The following SCN7A variants were observed in gnomAD, a reference collection of about 807,000 sequenced individuals.
SCN7A encodes sodium voltage-gated channel alpha subunit 7.
In SCN7A, 138 loss-of-function variants were observed where a neutral mutation model predicts 155.2. The ratio of observed to expected loss-of-function variants is 0.89; its 90% CI spans 0.77 to 1.02. SCN7A has a LOEUF of 1.02. Ranked by LOEUF, SCN7A falls within the 50% of genes least tolerant of loss-of-function variation. The probability of loss-of-function intolerance (pLI) is 0.00; values close to 1 mark genes in which losing one functional copy is unlikely to be tolerated. For synonymous variants in SCN7A, 693 were observed against 649.0 expected, an observed-to-expected ratio of 1.07 and a Z score of -1.03; for missense variants, 2,058 against 1,986.6, an observed-to-expected ratio of 1.04 and a Z score of -0.68.
rs1559100275 is a variant in SCN7A at position 166,432,638 on chromosome 2, C to A, written c.2272G>T (p.Gly758Ter). ...ATTTTAAGAAGCACATAGTTTATTC[C>A]TTTTTTAATTCTTGCCACTGCAAGC... ...LQLAVARIKK[G>*]INYVLLKILC... The change falls in exon 16 of 26, where the codon GGA (glycine) becomes TGA (stop). Residue 758 changes from glycine (G) to a stop codon, truncating the protein, a stop_gained. Coordinates refer to ENST00000643258, the MANE Select transcript of SCN7A (RefSeq NM_002976.4). LOFTEE classifies it high-confidence loss of function. 1.2e-6 allele frequency: 2 copies of A among 1,610,994 alleles called. No homozygotes were observed. Among genetic ancestry groups the A allele is most frequent in the Non-Finnish European group, 8.5e-7 (1 of 1,179,070 alleles).
chr2:166,457,154 G>A (rs1196709581), intron 10 of SCN7A, 78 bp from the exon 11 acceptor site: 5 of 1,053,402 alleles, frequency 4.7e-6, no homozygotes, highest in Non-Finnish European at 6.7e-6. Context: ...AAAATAAAAG[G>A]CAAAATTTTA....
chr2:166,416,991 A>G lies in SCN7A; in HGVS notation c.3136-6T>C. Reference sequence around the variant, plus strand: ...ATCAAAGCTCTCACAACCACCTGGTATATATAAAAAATGTAAACTTTAGAT... The same window carrying G: ...ATCAAAGCTCTCACAACCACCTGGTGTATATAAAAAATGTAAACTTTAGAT... On this transcript the variant is annotated splice_region_variant and splice_polypyrimidine_tract_variant and intron_variant, in intron 20 of 25. Coordinates refer to ENST00000643258, the MANE Select transcript of SCN7A (RefSeq NM_002976.4). 2 of 1,554,312 alleles carry G rather than the reference A, an allele frequency of 1.3e-6. No homozygotes were observed. Among genetic ancestry groups the G allele is most frequent in the South Asian group, 1.2e-5 (1 of 82,146 alleles).
rs750306067 is a variant in SCN7A, at chr2:166,423,421, A to G, written c.2865T>C (p.Asp955=). The change falls in exon 19 of 26, where the codon GAT becomes GAC. Residue 955 remains aspartate, a synonymous_variant. Transcript: ENST00000643258. ...LLSTGTLAFE[D]IYMDQRKTIK... ...TTGTCTTTCTCTGATCCATATATAT[A>G]TCTTCAAAAGCCTGTGGGTAAAAAT... 5.1e-6 allele frequency: 8 copies of G among 1,556,640 alleles called. No individual in the cohort carries two copies. In the East Asian group the frequency reaches 1.9e-4, roughly 36 times the overall value.
chr2:166,469,717 G>A (rs940804753), intron 7 of SCN7A, among the ~76,000 whole-genome samples: 1 of 151,766 alleles, frequency 6.6e-6, no homozygotes, highest in Non-Finnish European at 1.5e-5. Flanking sequence ...AGTAGTAAGG[G>A]AGCTAGAGCT....
At chr2:166,452,183 T>C (rs1408523906) in intron 11 of SCN7A, among the ~76,000 whole-genome samples, 1 of 152,032 alleles carries the variant, frequency 6.6e-6, no homozygotes, top group Non-Finnish European at 1.5e-5. Flanking sequence ...TCCAACATGA[T>C]TTATTTTTTA....
chr2:166,408,027 A>G (rs1469529934), intron 25 of SCN7A, among the ~76,000 whole-genome samples: 1 of 151,936 alleles, frequency 6.6e-6, no homozygotes, highest in African/African-American at 2.4e-5. Flanking sequence ...ATCTGGCTCT[A>G]TCTTGAAGAC....
At chr2:166,419,863 T>C (rs979285601) in intron 20 of SCN7A, among the ~76,000 whole-genome samples, 7 of 152,148 alleles carry the variant, frequency 4.6e-5, no homozygotes, top group Non-Finnish European at 1.0e-4. Flanking sequence ...AGGTGTATAA[T>C]TGGAATTTTG....
chr2:166,474,348 T>G lies in SCN7A; in HGVS notation c.235-4A>C. The G allele has an allele frequency of 7.3e-7, 1 of 1,364,000 alleles. No homozygotes were observed. The highest frequency in any genetic ancestry group is 1.4e-5 in the South Asian group (1 of 72,574). The allele number at this position is 1,364,000 out of a possible 1,614,324, so 84.5% of individuals were successfully genotyped here. On this transcript the variant is annotated splice_region_variant and splice_polypyrimidine_tract_variant and intron_variant, in intron 3 of 25. Transcript: ENST00000643258. ...TTTTATTTAATACTATGAAAGTCTG[T>G]AAGAAGAAAAGCGATCAAGTGAAAT...
chr2:166,464,024 G>A (rs1702469879), intron 9 of SCN7A, among the ~76,000 whole-genome samples: 1 of 151,644 alleles, frequency 6.6e-6, no homozygotes, highest in Admixed American at 6.6e-5. Context: ...CCACAGCACT[G>A]CAGCCTGGGC....
At chr2:166,490,261 C>G (rs1429431418) in intron 1 of SCN7A, among the ~76,000 whole-genome samples, 2 of 152,022 alleles carry the variant, frequency 1.3e-5, no homozygotes, top group Non-Finnish European at 2.9e-5. Flanking sequence ...CCCCATTCAC[C>G]CCCTCATCCC....
intron 10 of SCN7A, among the ~76,000 whole-genome samples, chr2:166,457,750 T>C (rs1045469352): frequency 2.0e-5 from 3 of 152,198 alleles, no homozygotes; most frequent in Non-Finnish European, 4.4e-5. Flanking sequence ...TTCATAATAA[T>C]TTCCTAAGAC....
At chr2:166,445,475 G>A (rs1001545208) in intron 12 of SCN7A, among the ~76,000 whole-genome samples, 1 of 152,136 alleles carries the variant, frequency 6.6e-6, no homozygotes, top group African/African-American at 2.4e-5. Flanking sequence ...GGAGATTTGA[G>A]GATAGAATTC....
chr2:166,483,961 G>T (rs1203795896), intron 2 of SCN7A, among the ~76,000 whole-genome samples: 1 of 151,786 alleles, frequency 6.6e-6, no homozygotes, highest in South Asian at 2.1e-4. Context: ...ATCCTTAAAA[G>T]GAACTACTAT....
chr2:166,476,553 G>A (rs985152040), intron 3 of SCN7A, among the ~76,000 whole-genome samples: 3 of 151,880 alleles, frequency 2.0e-5, no homozygotes, highest in Admixed American at 6.6e-5. Flanking sequence ...CTTCAGTCCC[G>A]GATTACTCTC....
chr2:166,412,924 C>A (rs1345878558), intron 22 of SCN7A, 144 bp downstream of exon 22: 3 of 856,670 alleles, frequency 3.5e-6, no homozygotes, highest in East Asian at 2.8e-5. Context: ...TATATAATAA[C>A]CCTGGAAGAA....
At chr2:166,454,862 A>C (rs1337843406) in intron 11 of SCN7A, among the ~76,000 whole-genome samples, 1 of 152,142 alleles carries the variant, frequency 6.6e-6, no homozygotes, top group Non-Finnish European at 1.5e-5. Flanking sequence ...ACAATTTTCG[A>C]AAACTTCCTT....
In SCN7A at chr2:166,406,401, C is replaced by T. The variant is rs1574994529; in HGVS notation, c.4228G>A (p.Gly1410Arg). ...TCAAAATTAGACACATCATTAATTC[C>T]AGCTTCTTTTTTAACATAGGCAAAA... ...YNFAYVKKEA[G>R]INDVSNFETF... is the part of the protein sequence containing the mutation. Residue 1410 changes from glycine to arginine, a missense_variant, in exon 26 of 26, where the codon GGA becomes AGA. Gly to Arg is a moderately radical substitution (Grantham distance 125). Transcript: ENST00000643258. 3 of 1,612,922 alleles carry T rather than the reference C, an allele frequency of 1.9e-6. No homozygotes were observed. The highest frequency in any genetic ancestry group is 2.5e-6 in the Non-Finnish European group (3 of 1,179,344).
intron 11 of SCN7A, among the ~76,000 whole-genome samples, chr2:166,451,871 T>C (rs578169629): frequency 6.6e-6 from 1 of 152,262 alleles, no homozygotes; most frequent in South Asian, 2.1e-4. Context: ...GCCTCAACAA[T>C]TATTAGTGGT....
chr2:166,493,593 G>A (rs1336342762), intron 1 of SCN7A, among the ~76,000 whole-genome samples: 2 of 152,188 alleles, frequency 1.3e-5, no homozygotes, highest in Admixed American at 6.5e-5. Flanking sequence ...ATTCTTAGAA[G>A]AAGTGTACAA....
Sources: allele counts gnomAD v4.1 joint callset (sites outside exome capture counted in the v4.1 genomes callset), GRCh38; gene constraint gnomAD v4.1.1; transcripts MANE v1.5; gene names NCBI Gene and HGNC (gene_info 2026-07-23, HGNC 2026-07-21).